Variants in ADAMTS12 observed in about 807,000 individuals in gnomAD.
ADAMTS12 encodes the protein ADAM metallopeptidase with thrombospondin type 1 motif 12, also known as A disintegrin and metalloproteinase with thrombospondin motifs 12.
ADAMTS12 carries 118 observed loss-of-function variants against 167.8 expected under a neutral mutation model. That is an observed-to-expected ratio of 0.70 (90% confidence interval 0.61 to 0.82). The LOEUF (loss-of-function observed/expected upper bound fraction) is 0.82, where lower values mean the gene tolerates loss of function less well. ADAMTS12 is among the 40% of genes least tolerant of loss of function. The pLI, the probability that ADAMTS12 is intolerant of heterozygous loss-of-function variation, is 0.00. For missense variants in ADAMTS12, 1,916 were observed against 1,998.8 expected (o/e 0.96, Z 0.79); for synonymous variants, 704 against 716.9 (o/e 0.98, Z 0.29).
rs561155346 is a variant in ADAMTS12 at position 33,662,873 on chromosome 5, T to C, written c.916-833A>G. Among the ~76,000 whole-genome samples, 4 of 152,340 alleles carry C rather than the reference T, an allele frequency of 2.6e-5. No individual in the cohort carries two copies. In the South Asian group the frequency reaches 6.2e-4, roughly 24 times the overall value. Reference sequence around the variant, plus strand: ...GGCCTCCACATAGAGCCATCCCTGGTACAGGATGGATTCCACCAGGAGGAT... The same window carrying C: ...GGCCTCCACATAGAGCCATCCCTGGCACAGGATGGATTCCACCAGGAGGAT... On this transcript the variant is annotated intron_variant, in intron 5 of 23. Coordinates refer to ENST00000504830, the MANE Select transcript of ADAMTS12 (RefSeq NM_030955.4).
At chr5:33,556,917 T>A (rs1210428828) in intron 20 of ADAMTS12, among the ~76,000 whole-genome samples, 1 of 152,188 alleles carries the variant, frequency 6.6e-6, no homozygotes, top group African/African-American at 2.4e-5. Flanking sequence ...TAAAATAATC[T>A]TTCACCAGCC....
At chr5:33,648,396 T>A (rs10045283) in intron 9 of ADAMTS12, among the ~76,000 whole-genome samples, 86,048 of 152,074 alleles carry the variant, frequency 0.57, 25,003 homozygotes, top group East Asian at 0.67. Context: ...AATCCTGAAT[T>A]ATTATTTGGA....
intron 11 of ADAMTS12, among the ~76,000 whole-genome samples, chr5:33,639,157 C>T (rs1428286323): frequency 3.3e-5 from 5 of 152,096 alleles, no homozygotes; most frequent in Non-Finnish European, 5.9e-5. Context: ...ACAATGCACA[C>T]ACAGATTTAG....
At chr5:33,602,411 C>T (rs1215631249) in intron 16 of ADAMTS12, among the ~76,000 whole-genome samples, 1 of 152,154 alleles carries the variant, frequency 6.6e-6, no homozygotes, top group Non-Finnish European at 1.5e-5. Context: ...TCTAGAGTAT[C>T]CATCTCTCAA....
intron 2 of ADAMTS12, among the ~76,000 whole-genome samples, chr5:33,859,784 C>T (rs969365838): frequency 1.4e-4 from 21 of 152,110 alleles, no homozygotes; most frequent in Admixed American, 3.9e-4. Flanking sequence ...TCGTGGGTGC[C>T]CCTCTGGGAC....
intron 9 of ADAMTS12, among the ~76,000 whole-genome samples, chr5:33,644,175 T>C (rs548674884): frequency 6.6e-6 from 1 of 152,354 alleles, no homozygotes; most frequent in East Asian, 1.9e-4. Flanking sequence ...TTTTAAGCCA[T>C]TTTAGAAAAT....
chr5:33,553,658 A>T (rs907613599), intron 20 of ADAMTS12, among the ~76,000 whole-genome samples: 1 of 152,192 alleles, frequency 6.6e-6, no homozygotes, highest in African/African-American at 2.4e-5. Context: ...GTGGGAGCTA[A>T]ATGATGAGAA....
intron 2 of ADAMTS12, among the ~76,000 whole-genome samples, chr5:33,824,358 C>T (rs1007008208): frequency 2.6e-5 from 4 of 152,114 alleles, no homozygotes; most frequent in Non-Finnish European, 5.9e-5. Flanking sequence ...GAGCTGTGGG[C>T]CTCGAATGCC....
chr5:33,642,212 C>A lies in ADAMTS12; in HGVS notation c.1573-257G>T, dbSNP rs77822870. 2.5e-4 allele frequency among the ~76,000 whole-genome samples: 38 copies of A among 152,298 alleles called. No individual in the cohort carries two copies. In the East Asian group the frequency reaches 6.6e-3, roughly 26 times the overall value. The stretch of plus-strand genomic sequence containing the variant: ...GTGCTACACAGTGTGGTTGGCAGAT[C>A]GAGCACGAGAATGTAAATCAACATA... On this transcript the variant is annotated intron_variant, in intron 10 of 23. Coordinates refer to ENST00000504830, the MANE Select transcript of ADAMTS12 (RefSeq NM_030955.4).
chr5:33,552,701 G>A (rs2111846669), intron 20 of ADAMTS12, among the ~76,000 whole-genome samples: 1 of 152,236 alleles, frequency 6.6e-6, no homozygotes, highest in East Asian at 1.9e-4. Context: ...CTTATTTCTG[G>A]GTTCTCTATT....
At chr5:33,532,274 C>T (rs992336666) in intron 23 of ADAMTS12, among the ~76,000 whole-genome samples, 1 of 152,122 alleles carries the variant, frequency 6.6e-6, no homozygotes, top group African/African-American at 2.4e-5. Flanking sequence ...CTTTGGGCTT[C>T]TTGAGGCCAA....
At chr5:33,661,138 T>C (rs1392219840) in intron 6 of ADAMTS12, among the ~76,000 whole-genome samples, 2 of 152,174 alleles carry the variant, frequency 1.3e-5, no homozygotes, top group Non-Finnish European at 2.9e-5. Flanking sequence ...TCTGGACAAA[T>C]AGGCATACGG....
chr5:33,821,123 A>T (rs995496237), intron 2 of ADAMTS12, among the ~76,000 whole-genome samples: 4 of 152,186 alleles, frequency 2.6e-5, no homozygotes, highest in African/African-American at 9.6e-5. Flanking sequence ...AGAACCTAAA[A>T]GTTAAAATAA....
intron 16 of ADAMTS12, among the ~76,000 whole-genome samples, chr5:33,596,717 T>C (rs907000199): frequency 3.9e-5 from 6 of 152,206 alleles, no homozygotes; most frequent in African/African-American, 1.4e-4. Context: ...AAAGTAGATA[T>C]CATCACCAGG....
intron 3 of ADAMTS12, among the ~76,000 whole-genome samples, chr5:33,739,230 A>G (rs1024815781): frequency 2.6e-5 from 4 of 151,964 alleles, no homozygotes; most frequent in Non-Finnish European, 5.9e-5. Context: ...ACACATGTAC[A>G]CCCCACGCAT....
At chr5:33,750,911 A>AT (rs1744949011) in intron 3 of ADAMTS12, among the ~76,000 whole-genome samples, 1 of 152,124 alleles carries the variant, frequency 6.6e-6, no homozygotes, top group African/African-American at 2.4e-5. Flanking sequence ...TGTGTTGATA[A>AT]TTTTTTTCAG....
intron 3 of ADAMTS12, among the ~76,000 whole-genome samples, chr5:33,684,337 T>G (rs1175587453): frequency 2.0e-5 from 3 of 152,116 alleles, no homozygotes; most frequent in Non-Finnish European, 4.4e-5. Context: ...AATGGGAACT[T>G]TCTCTTTCTT....
chr5:33,693,290 T>C (rs952577602), intron 3 of ADAMTS12, among the ~76,000 whole-genome samples: 2 of 152,200 alleles, frequency 1.3e-5, no homozygotes, highest in African/African-American at 4.8e-5. Flanking sequence ...ATAGAGACCT[T>C]GAGAAACCAT....
chr5:33,588,808 A>G lies in ADAMTS12; in HGVS notation c.2656T>C (p.Trp886Arg). 6.2e-7 allele frequency: 1 copy of G among 1,612,736 alleles called. No homozygotes were observed. Among genetic ancestry groups the G allele is most frequent in the Non-Finnish European group, 8.5e-7 (1 of 1,179,962 alleles). Reference sequence around the variant, plus strand: ...CATGCTTCCCACTCCCCTGCCCACCACCTGCAGGCAAACATGGATATGTGA... The same window carrying G: ...CATGCTTCCCACTCCCCTGCCCACCGCCTGCAGGCAAACATGGATATGTGA... Reference protein sequence around the residue: ...KCHEKACPPRWWAGEWEACSA... With the variant: ...KCHEKACPPRRWAGEWEACSA... Residue 886 changes from tryptophan (W) to arginine (R), a missense_variant and splice_region_variant, in exon 18 of 24, where the codon TGG becomes CGG. Transcript: ENST00000504830.
Sources: allele counts gnomAD v4.1 joint callset (sites outside exome capture counted in the v4.1 genomes callset), GRCh38; gene constraint gnomAD v4.1.1; transcripts MANE v1.5; gene names NCBI Gene and HGNC (gene_info 2026-07-23, HGNC 2026-07-21).